PARD3B: variants seen among roughly 807,000 people sequenced by gnomAD.
The protein encoded by PARD3B is par-3 family cell polarity regulator beta, also known as partitioning defective 3 homolog B.
In PARD3B, 103 loss-of-function variants were observed where a neutral mutation model predicts 130.2. That is an observed-to-expected ratio of 0.79 (90% CI 0.67 to 0.93). The LOEUF (loss-of-function observed/expected upper bound fraction) is 0.93. Ranked by LOEUF, PARD3B falls within the 40% of genes least tolerant of loss-of-function variation. PARD3B has a pLI of 0.00. For missense variants in PARD3B, 1,609 were observed against 1,499.2 expected (o/e 1.07, Z -1.21); for synonymous variants, 583 against 553.2 (o/e 1.05, Z -0.76).
At chr2:204,843,157 C>T (rs971272837) in intron 2 of PARD3B, among the ~76,000 whole-genome samples, 3 of 151,948 alleles carry the variant, frequency 2.0e-5, no homozygotes, top group Non-Finnish European at 4.4e-5. Context: ...AGAATTGTTA[C>T]ACTAGTGAAA....
At chr2:205,323,530 G>T (rs916595185) in intron 18 of PARD3B, among the ~76,000 whole-genome samples, 7 of 152,136 alleles carry the variant, frequency 4.6e-5, no homozygotes, top group Non-Finnish European at 1.0e-4. Flanking sequence ...AATACGCAAA[G>T]GGGACTATGA....
chr2:204,546,082 A>G lies in PARD3B; in HGVS notation c.83A>G (p.Gln28Arg). ...CAGCTGCGCGTCGGCGAGCTCACCC[A>G]GCAGGCGCTGCAGCGGTACCTGAAG... ...EGQLRVGELT[Q>R]QALQRYLKTR... The change falls in exon 1 of 23, where the codon CAG (glutamine) becomes CGG (arginine). Residue 28 changes from glutamine to arginine, a missense_variant. Transcript: ENST00000406610. 5 of 1,558,380 alleles carry G rather than the reference A, an allele frequency of 3.2e-6. No homozygotes were observed. The highest frequency in any genetic ancestry group is 4.3e-6 in the Non-Finnish European group (5 of 1,150,988).
At chr2:204,751,299 G>A (rs1339919773) in intron 2 of PARD3B, among the ~76,000 whole-genome samples, 1 of 151,988 alleles carries the variant, frequency 6.6e-6, no homozygotes, top group African/African-American at 2.4e-5. Context: ...AAATTTGGGA[G>A]GTTTCCTTTA....
At chr2:204,720,226 G>C (rs1420980114) in intron 2 of PARD3B, among the ~76,000 whole-genome samples, 1 of 152,124 alleles carries the variant, frequency 6.6e-6, no homozygotes, top group Non-Finnish European at 1.5e-5. Context: ...ATAACATCTC[G>C]TTTGGAGTTG....
chr2:205,180,937 A>G (rs144764000), intron 13 of PARD3B, among the ~76,000 whole-genome samples: 18 of 152,068 alleles, frequency 1.2e-4, no homozygotes, highest in Non-Finnish European at 8.8e-5. Context: ...CCAACACTGT[A>G]TTTTCTGAGG....
rs190322226 is a variant in PARD3B at position 204,738,851 on chromosome 2, T to G, written c.222+52569T>G. ...TGCTAACATCAGGAGAAAACTGTTT[T>G]TAAATGGCTGATGTAATTAGATGAG... On this transcript the variant is annotated intron_variant, in intron 2 of 22. Transcript: ENST00000406610. 4.3e-4 allele frequency among the ~76,000 whole-genome samples: 66 copies of G among 152,336 alleles called. 1 individual carries two copies. Among genetic ancestry groups the G allele is most frequent in the Admixed American group, 3.2e-3 (49 of 15,302 alleles).
intron 22 of PARD3B, among the ~76,000 whole-genome samples, chr2:205,595,845 TA>T (rs2054549891): frequency 6.6e-6 from 1 of 151,924 alleles, no homozygotes; most frequent in Non-Finnish European, 1.5e-5. Context: ...ACTAGTTTGC[TA>T]AAAGGAGTGA....
At chr2:205,259,981 G>T (rs1362844374) in intron 16 of PARD3B, among the ~76,000 whole-genome samples, 1 of 152,028 alleles carries the variant, frequency 6.6e-6, no homozygotes, top group African/African-American at 2.4e-5. Flanking sequence ...TTACTAATTT[G>T]TGCATAAAAC....
At chr2:204,984,007 A>G (rs1312514664) in intron 3 of PARD3B, among the ~76,000 whole-genome samples, 3 of 152,044 alleles carry the variant, frequency 2.0e-5, no homozygotes, top group Non-Finnish European at 2.9e-5. Flanking sequence ...AAAAAAAAAT[A>G]TGCATTTCTC....
At chr2:204,899,058 T>C (rs1028649473) in intron 2 of PARD3B, among the ~76,000 whole-genome samples, 1 of 152,154 alleles carries the variant, frequency 6.6e-6, no homozygotes, top group African/African-American at 2.4e-5. Context: ...ATTAGGTTTT[T>C]TTTTTTTAAT....
At chr2:204,779,203 C>T (rs1038822372) in intron 2 of PARD3B, among the ~76,000 whole-genome samples, 11 of 152,078 alleles carry the variant, frequency 7.2e-5, no homozygotes, top group Non-Finnish European at 7.4e-5. Flanking sequence ...CCAGTCTTGC[C>T]CATTTTCTTC....
chr2:205,610,674 T>C (rs893661054), intron 22 of PARD3B, among the ~76,000 whole-genome samples: 2 of 152,194 alleles, frequency 1.3e-5, no homozygotes, highest in African/African-American at 4.8e-5. Context: ...AATCTTGTTC[T>C]TGGCAAACAA....
At position 205,160,515 on chromosome 2, in the gene PARD3B, T is replaced by C. The variant is rs1327172309; in HGVS notation, c.1620+1608T>C. Among the ~76,000 whole-genome samples, 2 of 152,126 alleles carry C rather than the reference T, an allele frequency of 1.3e-5. No individual in the cohort carries two copies. The highest frequency in any genetic ancestry group is 1.9e-4 in the East Asian group (1 of 5,182). Reference sequence around the variant, plus strand: ...GCAAGTCATATGGCTGAGTCCAAGGTTGAGCAGTAGAAAACACACTCCAGC... The same window carrying C: ...GCAAGTCATATGGCTGAGTCCAAGGCTGAGCAGTAGAAAACACACTCCAGC... On this transcript the variant is annotated intron_variant, in intron 11 of 22. Coordinates refer to ENST00000406610, the MANE Select transcript of PARD3B (RefSeq NM_001302769.2). The surrounding 1 kb of genome is among the most constrained non-coding windows in gnomAD (Gnocchi z 4.0).
At chr2:204,661,534 C>T (rs1365824931) in intron 1 of PARD3B, among the ~76,000 whole-genome samples, 1 of 152,140 alleles carries the variant, frequency 6.6e-6, no homozygotes, top group Non-Finnish European at 1.5e-5. Context: ...ATCTGGAATA[C>T]AGTACTCTGC....
chr2:205,440,560 G>A lies in PARD3B; in HGVS notation c.2932G>A (p.Gly978Arg). The A allele has an allele frequency of 6.2e-7, 1 of 1,614,080 alleles. No homozygotes were observed. The highest frequency in any genetic ancestry group is 1.7e-5 in the Admixed American group (1 of 60,014). The change falls in exon 20 of 23, where the codon GGA becomes AGA. Residue 978 changes from glycine to arginine, a missense_variant. Physicochemically the swap from Gly to Arg is moderately radical, Grantham distance 125 (BLOSUM62 -2). Transcript: ENST00000406610. The surrounding 1 kb of genome is among the most constrained non-coding windows in gnomAD (Gnocchi z 4.2). ...TAGATCTCCATCTCCCCCTCGAGCT[G>A]GACCATTTGGTTACCCTCGGGATGG... ...VFRSPSPPRA[G>R]PFGYPRDGHP...
intron 4 of PARD3B, among the ~76,000 whole-genome samples, chr2:205,057,878 TA>T (rs35436581): frequency 1.1e-4 from 16 of 150,688 alleles, no homozygotes; most frequent in African/African-American, 3.7e-4. Context: ...TATGGCTTTT[TA>T]AAAAAAAGAC....
chr2:204,938,046 C>CT (rs376499406), intron 2 of PARD3B, among the ~76,000 whole-genome samples: 4 of 152,184 alleles, frequency 2.6e-5, no homozygotes, highest in African/African-American at 7.2e-5. Context: ...TTTATAACTG[C>CT]TGTTATCACT....
At chr2:205,096,649 A>T (rs1278690538) in intron 4 of PARD3B, among the ~76,000 whole-genome samples, 1 of 152,172 alleles carries the variant, frequency 6.6e-6, no homozygotes, top group Non-Finnish European at 1.5e-5. Flanking sequence ...TAATTTATCC[A>T]CATGGCTTAG....
chr2:205,543,885 G>T (rs2052275201), intron 21 of PARD3B, among the ~76,000 whole-genome samples: 1 of 152,164 alleles, frequency 6.6e-6, no homozygotes, highest in African/African-American at 2.4e-5. Context: ...ATAAATGGAA[G>T]TATACCTAAA....
Sources: gnomAD v4.1 joint callset for allele counts (sites outside exome capture counted in the v4.1 genomes callset) on GRCh38, gnomAD v4.1.1 for gene constraint, Gnocchi (gnomAD v3.1) non-coding constraint, MANE v1.5 for transcripts, NCBI Gene and HGNC (gene_info 2026-07-23, HGNC 2026-07-21) for gene names.